Variants in MED16 observed in about 807,000 individuals in gnomAD.
MED16 encodes mediator complex subunit 16.
Under a neutral mutation model 84.4 loss-of-function variants are expected in MED16, and 81 were observed. The observed-to-expected ratio is 0.96, with a 90% confidence interval of 0.80 to 1.15. MED16 has a LOEUF of 1.15. Ranked by LOEUF, MED16 falls within the 50% of genes most tolerant of loss-of-function variation. MED16 has a pLI of 0.00. For synonymous variants in MED16, 897 were observed against 552.2 expected, an observed-to-expected ratio of 1.62 and a Z score of -8.76; for missense variants, 1,585 against 1,245.9, an observed-to-expected ratio of 1.27 and a Z score of -4.10.
At chr19:890,020 C>T in intron 3 of MED16, 117 bp downstream of exon 3, 1 of 861,774 alleles carries the variant, frequency 1.2e-6, no homozygotes, top group South Asian at 1.7e-5. Context: ...AGGTGCAAAG[C>T]TGCAGACCAG....
At chr19:891,834 G>C (rs1185254099) in intron 1 of MED16, among the ~76,000 whole-genome samples, 1 of 115,680 alleles carries the variant, frequency 8.6e-6, no homozygotes, top group African/African-American at 3.7e-5. Context: ...AACACCTGTG[G>C]CCGAGGCGGG....
At chr19:883,178 C>T (rs1599337508) in intron 6 of MED16, among the ~76,000 whole-genome samples, 1 of 152,202 alleles carries the variant, frequency 6.6e-6, no homozygotes, top group Admixed American at 6.5e-5. Context: ...AGCTAAGCTG[C>T]TAAGTGGGGA....
At chr19:879,422 C>T (rs2036357781) in intron 8 of MED16, among the ~76,000 whole-genome samples, 4 of 144,612 alleles carry the variant, frequency 2.8e-5, no homozygotes, top group Admixed American at 6.9e-5. Context: ...TGTCAATGCC[C>T]ACCAACCCCA....
chr19:875,487 C>T, intron 9 of MED16, 33 bp from the exon 10 acceptor site: 3 of 1,561,994 alleles, frequency 1.9e-6, no homozygotes, highest in Non-Finnish European at 2.6e-6. Context: ...CCCCAAGGGG[C>T]CGGAGCAGAG....
intron 4 of MED16, among the ~76,000 whole-genome samples, chr19:887,527 G>A (rs978846712): frequency 1.3e-5 from 2 of 151,880 alleles, no homozygotes; most frequent in Non-Finnish European, 2.9e-5. Flanking sequence ...TTAGCCGGGC[G>A]CGGTGGTGCG....
intron 5 of MED16, 102 bp from the exon 6 acceptor site, chr19:885,110 C>T: frequency 1.2e-6 from 1 of 857,044 alleles, no homozygotes; most frequent in Non-Finnish European, 1.8e-6. Flanking sequence ...CACTGCTGGG[C>T]CTGTCTCTTC....
intron 6 of MED16, among the ~76,000 whole-genome samples, chr19:881,947 T>C (rs373987834): frequency 3.9e-5 from 6 of 152,252 alleles, no homozygotes; most frequent in African/African-American, 1.4e-4. Flanking sequence ...TGGGATTTCA[T>C]GGAAACCTGT....
chr19:889,764 G>A lies in MED16; in HGVS notation c.321C>T (p.Cys107=), dbSNP rs1473418700. 1.2e-6 allele frequency: 2 copies of A among 1,613,326 alleles called. No homozygotes were observed. Among genetic ancestry groups the A allele is most frequent in the Admixed American group, 3.3e-5 (2 of 59,976 alleles). ...LSADADGQIK[C]WSMADHLANS... ...TAGCCAGGTGGTCCGCCATGCTCCA[G>A]CACTTGATCTGCCCGTCGGCATCTG... The change falls in exon 4 of 16, where the codon TGC becomes TGT. Residue 107 remains cysteine (C), a synonymous_variant. Transcript: ENST00000325464.
chr19:870,040 C>T (rs1337147409), intron 13 of MED16, among the ~76,000 whole-genome samples: 1 of 152,202 alleles, frequency 6.6e-6, no homozygotes, highest in African/African-American at 2.4e-5. Context: ...CCAAACCCCG[C>T]ACATTCCAGA....
intron 11 of MED16, 60 bp downstream of exon 11, chr19:873,389 G>A (rs1309835374): frequency 1.0e-5 from 16 of 1,552,392 alleles, no homozygotes; most frequent in Non-Finnish European, 1.3e-5. Flanking sequence ...AGGGAAGCGG[G>A]GTCCTGATGA....
chr19:889,316 T>C (rs73505579), intron 4 of MED16, among the ~76,000 whole-genome samples: 2 of 152,248 alleles, frequency 1.3e-5, no homozygotes, highest in African/African-American at 2.4e-5. Context: ...CAGTTATACA[T>C]GCAGCTACCT....
chr19:869,601 G>T (rs2035998453), intron 13 of MED16, among the ~76,000 whole-genome samples: 1 of 152,148 alleles, frequency 6.6e-6, no homozygotes, highest in South Asian at 2.1e-4. Context: ...GCACGAGGAA[G>T]AAAATGCTGG....
At chr19:877,673 C>A (rs1245097113) in intron 8 of MED16, among the ~76,000 whole-genome samples, 3 of 138,866 alleles carry the variant, frequency 2.2e-5, no homozygotes, top group African/African-American at 8.2e-5. Context: ...GACCCACGTG[C>A]CCCAGCAGCT....
At position 891,017 on chromosome 19, in the gene MED16, A is replaced by G. The variant is rs2036620937; in HGVS notation, c.115T>C (p.Trp39Arg). The change falls in exon 2 of 16, where the codon TGG becomes CGG. Residue 39 changes from tryptophan to arginine, a missense_variant. Physicochemically the swap from Trp to Arg is moderately radical, Grantham distance 101. Coordinates refer to ENST00000325464, the MANE Select transcript of MED16 (RefSeq NM_005481.3). ...AAGGCGATGAGATTTCGGCAGGACC[A>G]GGCGCAGGCCAGGGGCACCGATGGG... ...HCPSVPLACA[W>R]SCRNLIAFTM... is the part of the protein sequence containing the mutation. The G allele has an allele frequency of 1.9e-6, 3 of 1,614,098 alleles. No homozygotes were observed. The highest frequency in any genetic ancestry group is 2.5e-6 in the Non-Finnish European group (3 of 1,180,012).
intron 1 of MED16, among the ~76,000 whole-genome samples, chr19:891,632 G>A (rs2036636299): frequency 6.7e-6 from 1 of 148,826 alleles, no homozygotes; most frequent in Admixed American, 6.7e-5. Flanking sequence ...GGGGCTGAGT[G>A]ACAGGGAACA....
At chr19:886,694 C>T (rs985724892) in intron 4 of MED16, among the ~76,000 whole-genome samples, 5 of 152,208 alleles carry the variant, frequency 3.3e-5, no homozygotes, top group East Asian at 1.9e-4. Context: ...GCGGCTGCTG[C>T]GGGCACTATT....
Position 881,698 on chromosome 19 carries a change from G to A in MED16, c.1002C>T (p.Pro334=). Residue 334 remains proline (P), a synonymous_variant, in exon 7 of 16, where the codon CCC becomes CCT. Transcript: ENST00000325464. ...QISPVVGDKQ[P]TILKWRILSA... ...ATAGGATCCGCCATTTGAGAATTGT[G>A]GGCTGTTTGTCGCCAACTGAAAAAT... 1.2e-6 allele frequency: 2 copies of A among 1,610,544 alleles called. No individual in the cohort carries two copies. Among genetic ancestry groups the A allele is most frequent in the Non-Finnish European group, 1.7e-6 (2 of 1,178,134 alleles).
chr19:873,446 C>G lies in MED16; in HGVS notation c.1905+3G>C, dbSNP rs749303780. On this transcript the variant is annotated splice_donor_region_variant and intron_variant, in intron 11 of 15. Coordinates refer to ENST00000325464, the MANE Select transcript of MED16 (RefSeq NM_005481.3). Reference sequence around the variant, plus strand: ...CGGGGCCTTAGGGGAGAGCATGGCGCACCTGGTTGGGTAGGCTGGCCAGCA... The same window carrying G: ...CGGGGCCTTAGGGGAGAGCATGGCGGACCTGGTTGGGTAGGCTGGCCAGCA... The G allele has an allele frequency of 7.5e-6, 12 of 1,606,784 alleles. No homozygotes were observed. The highest frequency in any genetic ancestry group is 1.0e-5 in the Non-Finnish European group (12 of 1,179,486).
chr19:882,182 G>T (rs897210437), intron 6 of MED16, among the ~76,000 whole-genome samples: 1 of 152,244 alleles, frequency 6.6e-6, no homozygotes, highest in Admixed American at 6.5e-5. Flanking sequence ...CAACAGGGCA[G>T]AGACTTCTGG....
Sources: gnomAD v4.1 joint callset for allele counts (sites outside exome capture counted in the v4.1 genomes callset) on GRCh38, gnomAD v4.1.1 for gene constraint, MANE v1.5 for transcripts, NCBI Gene and HGNC (gene_info 2026-07-23, HGNC 2026-07-21) for gene names.